The following CHST8 variants were observed in gnomAD, a reference collection of about 807,000 sequenced individuals.
CHST8 encodes the protein carbohydrate sulfotransferase 8.
A neutral mutation model predicts 15.0 loss-of-function variants in CHST8; 10 were observed. The observed-to-expected ratio is 0.67, with a 90% CI of 0.41 to 1.13. The LOEUF (loss-of-function observed/expected upper bound fraction) is 1.13, where lower values mean the gene tolerates loss of function less well. Among genes scored for constraint, CHST8 ranks in the 50% most tolerant of loss-of-function variants. CHST8 has a pLI of 0.00. For synonymous variants in CHST8, 259 were observed against 256.6 expected (o/e 1.01, Z -0.09); for missense variants, 634 against 608.2 (o/e 1.04, Z -0.45).
chr19:33,672,580 C>A (rs763530015), intron 2 of CHST8, among the ~76,000 whole-genome samples: 16 of 152,094 alleles, frequency 1.1e-4, no homozygotes, highest in Non-Finnish European at 2.1e-4. Flanking sequence ...GATGTGTTTG[C>A]GATGGGGGAA....
chr19:33,639,643 G>A (rs1226625836), intron 1 of CHST8, among the ~76,000 whole-genome samples: 5 of 152,082 alleles, frequency 3.3e-5, no homozygotes, highest in Non-Finnish European at 7.4e-5. Context: ...GATCGTTGAT[G>A]GGTGGAAGAG....
intron 3 of CHST8, among the ~76,000 whole-genome samples, chr19:33,723,525 C>T (rs913583978): frequency 2.0e-5 from 3 of 152,202 alleles, no homozygotes; most frequent in Non-Finnish European, 2.9e-5. Flanking sequence ...CACTGCCACT[C>T]CCTGCTCAGC....
At chr19:33,671,015 TC>T (rs1972729813) in intron 2 of CHST8, among the ~76,000 whole-genome samples, 1 of 152,190 alleles carries the variant, frequency 6.6e-6, no homozygotes, top group African/African-American at 2.4e-5. Context: ...AGTTCCAGCC[TC>T]CTTCTCCCAG....
At chr19:33,753,429 C>G (rs1352651773) in intron 3 of CHST8, among the ~76,000 whole-genome samples, 1 of 126,578 alleles carries the variant, frequency 7.9e-6, no homozygotes, top group African/African-American at 3.1e-5. Context: ...CTCCCACCAC[C>G]CACCCTCCAT....
intron 3 of CHST8, among the ~76,000 whole-genome samples, chr19:33,726,239 A>C (rs1315003552): frequency 6.6e-6 from 1 of 152,186 alleles, no homozygotes; most frequent in East Asian, 1.9e-4. Flanking sequence ...AGGCCTTGCC[A>C]TCCTGGGACC....
intron 3 of CHST8, among the ~76,000 whole-genome samples, chr19:33,762,657 G>C (rs975355325): frequency 6.6e-6 from 1 of 152,256 alleles, no homozygotes; most frequent in Non-Finnish European, 1.5e-5. Context: ...AGCATGCCAG[G>C]AGCAGCTGAC....
chr19:33,628,576 T>C (rs111740623), intron 1 of CHST8, among the ~76,000 whole-genome samples: 67 of 152,280 alleles, frequency 4.4e-4, no homozygotes, highest in African/African-American at 1.5e-3. Flanking sequence ...ATGTAGGCAG[T>C]GCATCTACGC....
chr19:33,677,647 G>T (rs932483243), intron 2 of CHST8, among the ~76,000 whole-genome samples: 1 of 152,128 alleles, frequency 6.6e-6, no homozygotes, highest in Non-Finnish European at 1.5e-5. Flanking sequence ...CTACTTACTG[G>T]CTGGGAAAAC....
intron 3 of CHST8, among the ~76,000 whole-genome samples, chr19:33,751,391 A>C (rs757029417): frequency 1.3e-5 from 2 of 152,216 alleles, no homozygotes; most frequent in African/African-American, 2.4e-5. Flanking sequence ...TTAAAATGTT[A>C]ATTGTGCTCA....
chr19:33,643,255 T>A (rs1325987235), intron 1 of CHST8, among the ~76,000 whole-genome samples: 2 of 152,360 alleles, frequency 1.3e-5, no homozygotes, highest in Admixed American at 6.5e-5. Context: ...TTTTATTTTT[T>A]AAATCTGTGT....
At chr19:33,741,406 T>C (rs1262989265) in intron 3 of CHST8, among the ~76,000 whole-genome samples, 1 of 152,220 alleles carries the variant, frequency 6.6e-6, no homozygotes, top group East Asian at 1.9e-4. Flanking sequence ...GTGTCTGCTG[T>C]CCACTGCAAG....
chr19:33,624,217 G>A (rs57860434), intron 1 of CHST8, among the ~76,000 whole-genome samples: 16 of 152,206 alleles, frequency 1.1e-4, no homozygotes, highest in Admixed American at 2.0e-4. Context: ...ATTATTTATC[G>A]AGAGGCATCC....
intron 3 of CHST8, among the ~76,000 whole-genome samples, chr19:33,733,852 C>G (rs776247037): frequency 1.1e-4 from 16 of 152,244 alleles, no homozygotes; most frequent in Non-Finnish European, 2.2e-4. Context: ...GGAGCACTTT[C>G]TCAACGGCCC....
chr19:33,756,792 AC>A (rs1974555754), intron 3 of CHST8, among the ~76,000 whole-genome samples: 1 of 151,800 alleles, frequency 6.6e-6, no homozygotes, highest in Admixed American at 6.6e-5. Flanking sequence ...TTCCCCAGTC[AC>A]CTCCAGAATG....
At position 33,694,264 on chromosome 19, in the gene CHST8, C is replaced by T. The variant is rs576742764; in HGVS notation, c.130+4873C>T. Among the ~76,000 whole-genome samples the T allele has an allele frequency of 6.1e-5, 8 of 131,242 alleles. 1 individual carries two copies. The South Asian group carries it at 1.8e-3, about 29-fold the overall frequency. 86.1% of individuals were successfully genotyped at this position (131,242 alleles called of 152,430 possible). A position where few individuals can be genotyped will look rare whatever the true frequency, so the allele number is the denominator to read the frequency against. On this transcript the variant is annotated intron_variant, in intron 3 of 4. Coordinates refer to ENST00000650847, the MANE Select transcript of CHST8 (RefSeq NM_001127895.2). ...TCTTGCTGGCACACTGTAAATAGTTCGTTCTTTTAATGTTTGGCTTTTGCA... is the reference window on the plus strand; with the variant it reads ...TCTTGCTGGCACACTGTAAATAGTTTGTTCTTTTAATGTTTGGCTTTTGCA...
intron 3 of CHST8, among the ~76,000 whole-genome samples, chr19:33,710,282 C>T (rs74608683): frequency 0.029 from 4,367 of 152,214 alleles, 147 homozygotes; most frequent in African/African-American, 0.08. Flanking sequence ...TTCAAAGAAC[C>T]AACTTTTAGT....
intron 3 of CHST8, among the ~76,000 whole-genome samples, chr19:33,699,785 C>T (rs544720534): frequency 7.4e-4 from 113 of 152,266 alleles, no homozygotes; most frequent in African/African-American, 2.6e-3. Context: ...TGTGCCTGTT[C>T]GGAGGACCAA....
chr19:33,766,939 G>A (rs1464680484), intron 3 of CHST8, among the ~76,000 whole-genome samples: 7 of 152,242 alleles, frequency 4.6e-5, no homozygotes, highest in Non-Finnish European at 7.3e-5. Context: ...CAAGAAGCAC[G>A]ACTCAAACTC....
rs187509197 is a variant in CHST8 at position 33,722,718 on chromosome 19, C to G, written c.130+33327C>G. The stretch of plus-strand genomic sequence containing the variant: ...GGGGAGAAACAGCTGTTTCCCACCC[C>G]GAGCGTAACTCCCATCACGGGCCTT... On this transcript the variant is annotated intron_variant, in intron 3 of 4. Coordinates refer to ENST00000650847, the MANE Select transcript of CHST8 (RefSeq NM_001127895.2). Among the ~76,000 whole-genome samples, 865 of 150,420 alleles carry G rather than the reference C, an allele frequency of 5.8e-3. 4 individuals are homozygous for G. The highest frequency in any genetic ancestry group is 0.011 in the Middle Eastern group (3 of 280).
Sources: allele counts gnomAD v4.1 joint callset (sites outside exome capture counted in the v4.1 genomes callset), GRCh38; gene constraint gnomAD v4.1.1; transcripts MANE v1.5; gene names NCBI Gene and HGNC (gene_info 2026-07-23, HGNC 2026-07-21).